Variants in CHCHD3 observed in about 807,000 individuals in gnomAD.
The protein encoded by CHCHD3 is coiled-coil-helix-coiled-coil-helix domain containing 3.
CHCHD3 carries 20 observed loss-of-function variants against 38.2 expected under a neutral mutation model. The ratio of observed to expected loss-of-function variants is 0.52; its 90% CI spans 0.37 to 0.76. The LOEUF is 0.76. CHCHD3 is among the 30% of genes least tolerant of loss of function. The probability of loss-of-function intolerance (pLI) is 0.00; values close to 1 mark genes in which losing one functional copy is unlikely to be tolerated. For synonymous variants in CHCHD3, 82 were observed against 100.0 expected (o/e 0.82, Z 1.07); for missense variants, 245 against 279.2 (o/e 0.88, Z 0.87).
intron 6 of CHCHD3, among the ~76,000 whole-genome samples, chr7:132,805,954 C>T (rs939509038): frequency 1.3e-5 from 2 of 152,124 alleles, no homozygotes; most frequent in African/African-American, 2.4e-5. Flanking sequence ...CGATCTAAAG[C>T]GTGGAGTTGG....
intron 3 of CHCHD3, among the ~76,000 whole-genome samples, chr7:132,980,556 TTAAG>T (rs1433710924): frequency 6.6e-6 from 1 of 152,226 alleles, no homozygotes; most frequent in Non-Finnish European, 1.5e-5. Flanking sequence ...CTTGTTTGCA[TTAAG>T]TAATTGGATA....
At chr7:133,037,321 A>C (rs188554201) in intron 2 of CHCHD3, among the ~76,000 whole-genome samples, 38 of 152,342 alleles carry the variant, frequency 2.5e-4, no homozygotes, top group African/African-American at 6.3e-4. Flanking sequence ...AAAACAATGA[A>C]AAACTAGAAG....
At chr7:132,797,935 A>G (rs1806664094) in intron 6 of CHCHD3, among the ~76,000 whole-genome samples, 2 of 152,290 alleles carry the variant, frequency 1.3e-5, no homozygotes, top group South Asian at 2.1e-4. Flanking sequence ...TTAATACAAG[A>G]AGCTTCCAGT....
chr7:132,992,313 T>G (rs1409415320), intron 3 of CHCHD3, among the ~76,000 whole-genome samples: 1 of 152,092 alleles, frequency 6.6e-6, no homozygotes, highest in African/African-American at 2.4e-5. Flanking sequence ...ACTGGCACAC[T>G]CTTGAAAATC....
At chr7:133,053,927 C>T (rs1050973544) in intron 2 of CHCHD3, among the ~76,000 whole-genome samples, 1 of 152,102 alleles carries the variant, frequency 6.6e-6, no homozygotes, top group Admixed American at 6.6e-5. Context: ...AACACAGAAA[C>T]CACTAGTCCC....
At chr7:132,996,343 G>A (rs943891514) in intron 3 of CHCHD3, among the ~76,000 whole-genome samples, 1 of 152,176 alleles carries the variant, frequency 6.6e-6, no homozygotes, top group Non-Finnish European at 1.5e-5. Context: ...CTGGCTACCA[G>A]GTGACCCAGA....
chr7:133,052,864 G>A (rs1044160195), intron 2 of CHCHD3, among the ~76,000 whole-genome samples: 33 of 152,158 alleles, frequency 2.2e-4, no homozygotes, highest in Non-Finnish European at 1.8e-4. Context: ...TTGTATATTC[G>A]TCATTAAAAA....
intron 2 of CHCHD3, among the ~76,000 whole-genome samples, chr7:133,032,384 T>C (rs1813528495): frequency 6.6e-6 from 1 of 152,176 alleles, no homozygotes; most frequent in African/African-American, 2.4e-5. Flanking sequence ...GCACTGCACA[T>C]TCATAATCAT....
intron 5 of CHCHD3, among the ~76,000 whole-genome samples, chr7:132,875,613 C>T (rs919214837): frequency 1.3e-5 from 2 of 152,324 alleles, no homozygotes; most frequent in African/African-American, 2.4e-5. Flanking sequence ...CATTGCGCCA[C>T]TGTGTCAACT....
In CHCHD3 at chr7:132,842,506, A is replaced by G. The variant is rs892867580; in HGVS notation, c.454-4037T>C. 5.9e-5 allele frequency among the ~76,000 whole-genome samples: 9 copies of G among 152,182 alleles called. No homozygotes were observed. In the East Asian group the frequency reaches 1.7e-3, roughly 29 times the overall value. ...CTACAGACTTAATTCAGCTATTTCC[A>G]GTTTTCCCACTAATGTTCGTTTTCT... On this transcript the variant is annotated intron_variant, in intron 5 of 7. Coordinates refer to ENST00000262570, the MANE Select transcript of CHCHD3 (RefSeq NM_017812.4).
intron 4 of CHCHD3, among the ~76,000 whole-genome samples, chr7:132,915,042 G>A (rs531701730): frequency 2.4e-4 from 37 of 151,642 alleles, no homozygotes; most frequent in African/African-American, 7.5e-4. Flanking sequence ...GGCGCCTGTA[G>A]TCCCAGCTAT....
intron 4 of CHCHD3, among the ~76,000 whole-genome samples, chr7:132,914,134 G>A (rs1371468850): frequency 7.0e-6 from 1 of 142,330 alleles, no homozygotes; most frequent in East Asian, 2.3e-4. Context: ...GTGTGTGTGT[G>A]TGTGTGTGTG....
chr7:133,071,864 A>G (rs1641612555), intron 1 of CHCHD3, among the ~76,000 whole-genome samples: 1 of 152,210 alleles, frequency 6.6e-6, no homozygotes, highest in Non-Finnish European at 1.5e-5. Context: ...CACATATTGA[A>G]TGATTCTATT....
At position 132,996,381 on chromosome 7, in the gene CHCHD3, A is replaced by G. The variant is rs1439735717; in HGVS notation, c.252-21095T>C. Among the ~76,000 whole-genome samples the G allele has an allele frequency of 3.3e-5, 5 of 152,312 alleles. No homozygotes were observed. In the East Asian group the frequency reaches 9.7e-4, roughly 29 times the overall value. ...GTGTTTCCACTCTTTGTTTTTCCCC[A>G]TTCACAGAGTCCTGAGCTTCAAAAA... On this transcript the variant is annotated intron_variant, in intron 3 of 7. Transcript: ENST00000262570.
intron 6 of CHCHD3, among the ~76,000 whole-genome samples, chr7:132,834,539 C>T (rs535175192): frequency 2.6e-5 from 4 of 152,094 alleles, no homozygotes; most frequent in East Asian, 1.9e-4. Flanking sequence ...GTTTGCAGAG[C>T]GGGGGAGGGA....
intron 2 of CHCHD3, among the ~76,000 whole-genome samples, chr7:133,048,235 T>TA (rs1814053530): frequency 6.6e-6 from 1 of 152,140 alleles, no homozygotes; most frequent in Non-Finnish European, 1.5e-5. Flanking sequence ...AGGGAAAGCG[T>TA]AGTTTATATC....
intron 3 of CHCHD3, among the ~76,000 whole-genome samples, chr7:132,983,985 C>CTCTCCCTCTCCCCCCGG: frequency 1.4e-5 from 1 of 73,424 alleles, no homozygotes; most frequent in African/African-American, 5.6e-5. Flanking sequence ...CCTCTCCCTC[C>CTCTCCCTCTCCCCCCGG]TCTCCCTCTC....
intron 5 of CHCHD3, among the ~76,000 whole-genome samples, chr7:132,878,144 A>G (rs1808960924): frequency 6.6e-6 from 1 of 152,176 alleles, no homozygotes; most frequent in African/African-American, 2.4e-5. Context: ...TAATCCCTTG[A>G]AAAGGTTGAT....
chr7:132,812,200 C>CTTTTCT (rs1554495564), intron 6 of CHCHD3, among the ~76,000 whole-genome samples: 1 of 81,066 alleles, frequency 1.2e-5, no homozygotes, highest in Non-Finnish European at 2.4e-5. Context: ...TTTTTCTTTT[C>CTTTTCT]TTTTTTTTTT....
Sources: allele counts gnomAD v4.1 joint callset (sites outside exome capture counted in the v4.1 genomes callset), GRCh38; gene constraint gnomAD v4.1.1; transcripts MANE v1.5; gene names NCBI Gene and HGNC (gene_info 2026-07-23, HGNC 2026-07-21).